The following NTN1 variants were observed in gnomAD, a reference collection of about 807,000 sequenced individuals.
NTN1 encodes the protein netrin 1.
NTN1 carries 11 observed loss-of-function variants against 54.2 expected under a neutral mutation model. The ratio of observed to expected loss-of-function variants is 0.20; its 90% confidence interval spans 0.13 to 0.34. The LOEUF is 0.34. Ranked by LOEUF, NTN1 falls within the 10% of genes least tolerant of loss-of-function variation. NTN1 has a pLI of 1.00. For synonymous variants in NTN1, 371 were observed against 382.0 expected, an observed-to-expected ratio of 0.97 and a Z score of 0.33; for missense variants, 740 against 893.1, an observed-to-expected ratio of 0.83 and a Z score of 2.18.
rs537841922 is a variant in NTN1, at chr17:9,064,957, G to T, written c.1018+41566G>T. ...TTTTATTAATTAATTTATTTATTGA[G>T]ATGGCGCCTCTCTCTGTCGCCCAGG... On this transcript the variant is annotated intron_variant, in intron 2 of 6. Transcript: ENST00000173229. Among the ~76,000 whole-genome samples, 9 of 152,072 alleles carry T rather than the reference G, an allele frequency of 5.9e-5. No homozygotes were observed. In the East Asian group the frequency reaches 1.7e-3, roughly 29 times the overall value.
At chr17:9,007,357 CTCTT>C in the NTN1 span, among the ~76,000 whole-genome samples, 16 of 136,678 alleles carry the variant, frequency 1.2e-4, no homozygotes, top group Non-Finnish European at 1.9e-4. Flanking sequence ...CTTTCTCTCT[CTCTT>C]TTCTTTCTTT....
intron 2 of NTN1, among the ~76,000 whole-genome samples, chr17:9,066,269 T>A (rs2092014676): frequency 6.6e-6 from 1 of 151,380 alleles, no homozygotes; most frequent in Non-Finnish European, 1.5e-5. Context: ...AAAATAAAAA[T>A]AAAAAAGATA....
intron 2 of NTN1, among the ~76,000 whole-genome samples, chr17:9,154,712 A>C (rs751075489): frequency 6.6e-6 from 1 of 152,244 alleles, no homozygotes; most frequent in Non-Finnish European, 1.5e-5. Flanking sequence ...ATTTCTAAAT[A>C]AATAGCATAC....
chr17:9,037,921 C>T (rs1289282824), intron 2 of NTN1, among the ~76,000 whole-genome samples: 7 of 152,276 alleles, frequency 4.6e-5, no homozygotes, highest in East Asian at 1.9e-4. Flanking sequence ...ACACTTACAA[C>T]GGTTGCAAAG....
chr17:9,158,490 TC>T (rs2092349402), intron 2 of NTN1, among the ~76,000 whole-genome samples: 2 of 152,224 alleles, frequency 1.3e-5, no homozygotes, highest in Non-Finnish European at 2.9e-5. Context: ...AGGCAGGTGT[TC>T]CAGTTCCTGT....
the NTN1 span, among the ~76,000 whole-genome samples, chr17:9,015,537 A>G: frequency 6.6e-6 from 1 of 151,838 alleles, no homozygotes; most frequent in African/African-American, 2.4e-5. Context: ...CTCCCTCCTC[A>G]CAAACATTAG....
intron 2 of NTN1, among the ~76,000 whole-genome samples, chr17:9,149,138 A>AGGGAGCC (rs1286688302): frequency 6.6e-6 from 1 of 152,134 alleles, no homozygotes; most frequent in Non-Finnish European, 1.5e-5. Context: ...AAATGACTCC[A>AGGGAGCC]GGGAGCCAGG....
intron 2 of NTN1, among the ~76,000 whole-genome samples, chr17:9,111,722 C>A (rs1046927226): frequency 6.6e-6 from 1 of 152,032 alleles, no homozygotes; most frequent in African/African-American, 2.4e-5. Context: ...TGTATTCTTA[C>A]AATAAAGTAA....
intron 2 of NTN1, among the ~76,000 whole-genome samples, chr17:9,110,269 C>CT (rs1312911889): frequency 1.3e-5 from 1 of 76,380 alleles, no homozygotes; most frequent in East Asian, 1.4e-3. Flanking sequence ...TACCTCCTGC[C>CT]TCTTTTTTTT....
At chr17:9,081,150 C>G (rs1380614232) in intron 2 of NTN1, among the ~76,000 whole-genome samples, 2 of 152,106 alleles carry the variant, frequency 1.3e-5, no homozygotes, top group African/African-American at 2.4e-5. Flanking sequence ...ACACTATATC[C>G]AGATACATAG....
chr17:9,019,479 A>T (rs1390459568), upstream of NTN1, among the ~76,000 whole-genome samples: 1 of 152,224 alleles, frequency 6.6e-6, no homozygotes, highest in African/African-American at 2.4e-5. Context: ...TGCATGTACT[A>T]TGTGCCTGGT....
At chr17:9,127,597 G>T (rs1039608436) in intron 2 of NTN1, among the ~76,000 whole-genome samples, 7 of 152,044 alleles carry the variant, frequency 4.6e-5, no homozygotes, top group Non-Finnish European at 7.4e-5. Context: ...GACACACTCG[G>T]TGTCTACTGG....
At chr17:9,114,478 G>A (rs1193070431) in intron 2 of NTN1, among the ~76,000 whole-genome samples, 1 of 151,706 alleles carries the variant, frequency 6.6e-6, no homozygotes, top group African/African-American at 2.4e-5. Flanking sequence ...TGGAGGCCGG[G>A]CACTGTGGCT....
intron 2 of NTN1, among the ~76,000 whole-genome samples, chr17:9,151,285 C>T (rs2092327097): frequency 6.6e-6 from 1 of 152,078 alleles, no homozygotes; most frequent in Admixed American, 6.6e-5. Context: ...CTATTAGTGG[C>T]CTGAAGGACT....
At position 9,221,149 on chromosome 17, in the gene NTN1, CCCCCCCA is replaced by C; in HGVS notation, c.1412-12_1412-6del. The C allele has an allele frequency of 2.8e-6, 4 of 1,419,648 alleles. No individual in the cohort carries two copies. The highest frequency in any genetic ancestry group is 3.9e-6 in the Non-Finnish European group (4 of 1,015,798). 87.9% of individuals were successfully genotyped at this position (1,419,648 alleles called of 1,614,324 possible). A position where few individuals can be genotyped will look rare whatever the true frequency, so the allele number is the denominator to read the frequency against. On this transcript the variant is annotated splice_polypyrimidine_tract_variant and intron_variant, in intron 5 of 6. Transcript: ENST00000173229. This position sits in a 1 kb window ranked among gnomAD's most constrained non-coding sequence, Gnocchi z 4.5. Reference sequence around the variant, plus strand: ...GCCTAATTAGTTTTTGTCTGTGCTCCCCCCCCACCCCCCTGCAGACTGCGATTCCTAC... The same window carrying C: ...GCCTAATTAGTTTTTGTCTGTGCTCCCCCCCCTGCAGACTGCGATTCCTAC...
intron 2 of NTN1, among the ~76,000 whole-genome samples, chr17:9,111,853 G>C (rs1382744308): frequency 6.6e-6 from 1 of 152,174 alleles, no homozygotes; most frequent in East Asian, 1.9e-4. Context: ...AATAGGCTGA[G>C]GGGGAGGAGG....
intron 2 of NTN1, among the ~76,000 whole-genome samples, chr17:9,065,404 C>A (rs116978338): frequency 6.6e-6 from 1 of 152,212 alleles, no homozygotes; most frequent in African/African-American, 2.4e-5. Context: ...CTTCTGTCTG[C>A]TCTTGGCTGG....
At chr17:9,201,370 A>G (rs1395609290) in intron 5 of NTN1, among the ~76,000 whole-genome samples, 2 of 152,178 alleles carry the variant, frequency 1.3e-5, no homozygotes, top group East Asian at 1.9e-4. Context: ...TGGTGAGCAT[A>G]TTACCATGAG....
intron 2 of NTN1, among the ~76,000 whole-genome samples, chr17:9,025,857 A>G (rs893988875): frequency 6.6e-6 from 1 of 152,270 alleles, no homozygotes; most frequent in Non-Finnish European, 1.5e-5. Flanking sequence ...GCACTGTGCT[A>G]GGAAAAAGCA....
Sources: allele counts gnomAD v4.1 joint callset (sites outside exome capture counted in the v4.1 genomes callset), GRCh38; gene constraint gnomAD v4.1.1; non-coding constraint Gnocchi (gnomAD v3.1); transcripts MANE v1.5; gene names NCBI Gene and HGNC (gene_info 2026-07-23, HGNC 2026-07-21).